Variants in CCDC180 observed in about 807,000 individuals in gnomAD.
CCDC180 encodes the protein coiled-coil domain containing 180.
A neutral mutation model predicts 209.2 loss-of-function variants in CCDC180; 154 were observed. That is an observed-to-expected ratio of 0.74 (90% CI 0.65 to 0.84). The LOEUF (loss-of-function observed/expected upper bound fraction) is 0.84, where lower values mean the gene tolerates loss of function less well. Ranked by LOEUF, CCDC180 falls within the 40% of genes least tolerant of loss-of-function variation. The pLI is 0.00. For missense variants in CCDC180, 1,874 were observed against 1,997.3 expected, an observed-to-expected ratio of 0.94 and a Z score of 1.18; for synonymous variants, 778 against 749.1, an observed-to-expected ratio of 1.04 and a Z score of -0.63.
intron 14 of CCDC180, 57 bp downstream of exon 14, chr9:97,325,249 C>G (rs1364515027): frequency 1.4e-5 from 21 of 1,514,256 alleles, no homozygotes; most frequent in Non-Finnish European, 1.9e-5. Context: ...TGAACTCAAA[C>G]AGATCCTTGA....
intron 22 of CCDC180, among the ~76,000 whole-genome samples, chr9:97,352,976 CAT>C (rs1260391426): frequency 6.7e-5 from 10 of 148,886 alleles, no homozygotes; most frequent in Admixed American, 2.0e-4. Context: ...CACACATATA[CAT>C]ATATATATAT....
intron 22 of CCDC180, among the ~76,000 whole-genome samples, chr9:97,351,141 G>A (rs1826410140): frequency 6.6e-6 from 1 of 152,136 alleles, no homozygotes; most frequent in Admixed American, 6.5e-5. Context: ...CCTGTTCAAG[G>A]TCCTGGTTTT....
intron 15 of CCDC180, 90 bp from the exon 16 acceptor site, chr9:97,327,930 A>T (rs1402758585): frequency 7.0e-7 from 1 of 1,426,776 alleles, no homozygotes; most frequent in Non-Finnish European, 9.5e-7. Context: ...AGCTCTACAC[A>T]GAGTTGTGTG....
Position 97,314,643 on chromosome 9 carries a change from T to C in CCDC180, c.614T>C (p.Val205Ala). ...GCCCTGCTGGAGCTGTGGGATAAGG[T>C]GGCCGGGCGGTTACTGCTCCGGAAG... is the stretch of plus-strand genomic sequence containing the variant. ...IQALLELWDK[V>A]AGRLLLRKQE... The change falls in exon 7 of 37, where the codon GTG (valine) becomes GCG (alanine). Residue 205 changes from valine (V) to alanine (A), a missense_variant. By Grantham distance (64) the Val-to-Ala change is moderately conservative. Transcript: ENST00000529487. 1.2e-6 allele frequency: 2 copies of C among 1,613,980 alleles called. No individual in the cohort carries two copies. Among genetic ancestry groups the C allele is most frequent in the Middle Eastern group, 1.6e-4 (1 of 6,062 alleles).
At chr9:97,343,317 C>T (rs2118777721) in intron 18 of CCDC180, 23 bp from the exon 19 acceptor site, 1 of 1,484,150 alleles carries the variant, frequency 6.7e-7, no homozygotes, top group Non-Finnish European at 9.4e-7. Context: ...ATCAAGTCAA[C>T]TTTAGTGTTA....
At chr9:97,320,016 A>G (rs2118597609) in intron 10 of CCDC180, 110 bp from the exon 11 acceptor site, 6 of 825,656 alleles carry the variant, frequency 7.3e-6, no homozygotes, top group East Asian at 2.4e-5. Context: ...TTTGTTCTTC[A>G]GTGTTTAAAT....
chr9:97,322,514 A>G (rs776564121), intron 11 of CCDC180, among the ~76,000 whole-genome samples: 89 of 152,226 alleles, frequency 5.8e-4, no homozygotes, highest in Admixed American at 8.5e-4. Context: ...GTAAATGCTC[A>G]TTGATCTCCA....
chr9:97,326,809 C>T (rs957267117), intron 15 of CCDC180, 140 bp downstream of exon 15: 3 of 599,222 alleles, frequency 5.0e-6, no homozygotes, highest in Non-Finnish European at 9.0e-6. Flanking sequence ...GCATGTGGCC[C>T]TCTGCAGCTC....
intron 5 of CCDC180, among the ~76,000 whole-genome samples, chr9:97,314,092 G>A (rs1054561256): frequency 6.6e-6 from 1 of 152,222 alleles, no homozygotes; most frequent in Non-Finnish European, 1.5e-5. Context: ...AGTAAACCTG[G>A]CATTCTTTCA....
In CCDC180 at chr9:97,322,776, C is replaced by T. The variant is rs1833400595; in HGVS notation, c.1160-57C>T. On this transcript the variant is annotated intron_variant, in intron 11 of 36. Transcript: ENST00000529487. ...TTGCTCCTTTGCAAAGGGGACACTCCCCTTTCTAATCTTCTCTTCCTTCTG... is the reference window on the plus strand; with the variant it reads ...TTGCTCCTTTGCAAAGGGGACACTCTCCTTTCTAATCTTCTCTTCCTTCTG... 4 of 1,483,568 alleles carry T rather than the reference C, an allele frequency of 2.7e-6. No homozygotes were observed. In the Admixed American group the frequency reaches 6.7e-5, roughly 25 times the overall value. The allele number at this position is 1,483,568 out of a possible 1,614,324, so 91.9% of individuals were successfully genotyped here.
chr9:97,357,871 A>C (rs1587826296), intron 25 of CCDC180, 146 bp downstream of exon 25: 1 of 588,284 alleles, frequency 1.7e-6, no homozygotes. Flanking sequence ...TTCCTACTTA[A>C]CCCCTGTTTC....
At chr9:97,351,179 G>A (rs1246108843) in intron 22 of CCDC180, among the ~76,000 whole-genome samples, 2 of 152,168 alleles carry the variant, frequency 1.3e-5, no homozygotes, top group Non-Finnish European at 2.9e-5. Context: ...CCTAGAAGTG[G>A]AATTGCTGGA....
At chr9:97,373,147 T>G (rs1409669009) in intron 34 of CCDC180, 1 of 152,252 alleles carries the variant, frequency 6.6e-6, no homozygotes, top group Admixed American at 6.5e-5. Flanking sequence ...TGATCACCTC[T>G]GCTGGGTGGG....
Position 97,317,090 on chromosome 9 carries a change from A to G in CCDC180, c.821A>G (p.Asn274Ser), listed in dbSNP as rs1425875503. The change falls in exon 9 of 37, where the codon AAC (asparagine) becomes AGC (serine). Residue 274 changes from asparagine to serine, a missense_variant. Asn to Ser is a conservative substitution (Grantham distance 46, BLOSUM62 1). Transcript: ENST00000529487. Reference sequence around the variant, plus strand: ...GTCATGAACTATGCCCTGCTGGGCAACCGGAAGGCTCTCGCCCAGCTGTTT... The same window carrying G: ...GTCATGAACTATGCCCTGCTGGGCAGCCGGAAGGCTCTCGCCCAGCTGTTT... The part of the protein sequence containing the change: ...AMVMNYALLG[N>S]RKALAQLFVN... 5 of 1,612,830 alleles carry G rather than the reference A, an allele frequency of 3.1e-6. No individual in the cohort carries two copies. The highest frequency in any genetic ancestry group is 2.7e-5 in the African/African-American group (2 of 74,926).
intron 34 of CCDC180, 194 bp from the exon 35 acceptor site, chr9:97,374,349 C>G: frequency 1.7e-6 from 1 of 575,280 alleles, no homozygotes; most frequent in South Asian, 2.1e-5. Context: ...CATCCATGAC[C>G]CCCTGCCCCT....
At chr9:97,321,183 G>A (rs1169750034) in intron 11 of CCDC180, among the ~76,000 whole-genome samples, 4 of 152,112 alleles carry the variant, frequency 2.6e-5, no homozygotes, top group Non-Finnish European at 4.4e-5. Flanking sequence ...CATGATGTTT[G>A]GTAGGTTAGG....
chr9:97,330,757 C>T lies in CCDC180; in HGVS notation c.2264C>T (p.Ser755Phe). The change falls in exon 18 of 37, where the codon TCT (serine) becomes TTT (phenylalanine). Residue 755 changes from serine (S) to phenylalanine (F), a missense_variant. Ser to Phe is a radical substitution (Grantham distance 155). Coordinates refer to ENST00000529487, the MANE Select transcript of CCDC180 (RefSeq NM_020893.6). ...GCACAGGAAGAGCAAGAGAGTTTAT[C>T]TGTGGGTGAGGTAAGCCAGCAACTG... ...KEAQEEQESL[S>F]VGEEEDKEEG... 6.3e-7 allele frequency: 1 copy of T among 1,597,552 alleles called. No homozygotes were observed. Among genetic ancestry groups the T allele is most frequent in the East Asian group, 2.2e-5 (1 of 44,850 alleles).
chr9:97,326,689 G>C lies in CCDC180; in HGVS notation c.1661+20G>C, dbSNP rs10981625. On this transcript the variant is annotated intron_variant, in intron 15 of 36. Transcript: ENST00000529487. ...ATCCAGGTAGGCCAACCAGACTCCA[G>C]AAGGCAGGAAGGGATGGTCAGGAAT... 3 of 1,441,050 alleles carry C rather than the reference G, an allele frequency of 2.1e-6. No individual in the cohort carries two copies. In the Admixed American group the frequency reaches 5.0e-5, roughly 24 times the overall value. The allele number at this position is 1,441,050 out of a possible 1,614,324, so 89.3% of individuals were successfully genotyped here. A position where few individuals can be genotyped will look rare whatever the true frequency, so the allele number is the denominator to read the frequency against.
intron 21 of CCDC180, 27 bp from the exon 22 acceptor site, chr9:97,350,382 G>A (rs1035499900): frequency 1.3e-6 from 2 of 1,533,318 alleles, no homozygotes; most frequent in African/African-American, 1.4e-5. Flanking sequence ...CCCCATCACT[G>A]TCCTGTTCCT....
Sources: allele counts gnomAD v4.1 joint callset (sites outside exome capture counted in the v4.1 genomes callset), GRCh38; gene constraint gnomAD v4.1.1; transcripts MANE v1.5; gene names NCBI Gene and HGNC (gene_info 2026-07-23, HGNC 2026-07-21).